Variants in PROM1 observed in about 807,000 individuals in gnomAD.
The protein encoded by PROM1 is prominin-1.
A neutral mutation model predicts 116.9 loss-of-function variants in PROM1; 105 were observed. The ratio of observed to expected loss-of-function variants is 0.90; its 90% CI spans 0.77 to 1.06. The LOEUF is 1.06. Ranked by LOEUF, PROM1 falls within the 50% of genes least tolerant of loss-of-function variation. The probability of loss-of-function intolerance (pLI) is 0.00; values close to 1 mark genes in which losing one functional copy is unlikely to be tolerated. For missense variants in PROM1, 1,122 were observed against 1,045.2 expected (o/e 1.07, Z -1.01); for synonymous variants, 393 against 387.0 (o/e 1.02, Z -0.18).
intron 2 of PROM1, among the ~76,000 whole-genome samples, chr4:16,047,893 T>C (rs1251767428): frequency 6.6e-6 from 1 of 152,170 alleles, no homozygotes; most frequent in African/African-American, 2.4e-5. Flanking sequence ...ACATAGTCTC[T>C]GAGGACAAGG....
At position 16,033,080 on chromosome 4, in the gene PROM1, C is replaced by T. The variant is rs1016788801; in HGVS notation, c.509+224G>A. Among the ~76,000 whole-genome samples, 5 of 150,432 alleles carry T rather than the reference C, an allele frequency of 3.3e-5. No individual in the cohort carries two copies. The South Asian group carries it at 1.1e-3, about 32-fold the overall frequency. On this transcript the variant is annotated intron_variant, in intron 5 of 27. Coordinates refer to ENST00000447510, the MANE Select transcript of PROM1 (RefSeq NM_006017.3). Reference sequence around the variant, plus strand: ...AAAAAATACCAAAGGGCTGGCTCATCAGCTCAGCTGGGGCAGCTTCATTAC... The same window carrying T: ...AAAAAATACCAAAGGGCTGGCTCATTAGCTCAGCTGGGGCAGCTTCATTAC...
intron 26 of PROM1, among the ~76,000 whole-genome samples, chr4:15,977,275 C>T (rs1716392885): frequency 6.6e-6 from 1 of 152,198 alleles, no homozygotes; most frequent in Non-Finnish European, 1.5e-5. Flanking sequence ...TCACAACCAA[C>T]AGGCAAACAC....
chr4:15,990,033 C>T (rs1258979657), intron 18 of PROM1, among the ~76,000 whole-genome samples: 1 of 152,164 alleles, frequency 6.6e-6, no homozygotes, highest in East Asian at 1.9e-4. Flanking sequence ...CAATAACCCA[C>T]ACCCAAGAGC....
chr4:16,052,113 C>T (rs1738017407), intron 2 of PROM1, among the ~76,000 whole-genome samples: 1 of 152,320 alleles, frequency 6.6e-6, no homozygotes, highest in East Asian at 1.9e-4. Flanking sequence ...TGGAAACCCA[C>T]AGCCAGTGTG....
intron 2 of PROM1, among the ~76,000 whole-genome samples, chr4:16,064,130 G>A (rs574815063): frequency 8.5e-5 from 13 of 152,190 alleles, no homozygotes; most frequent in East Asian, 3.9e-4. Flanking sequence ...ATATATGCCC[G>A]GCAGAAATGT....
intron 11 of PROM1, among the ~76,000 whole-genome samples, chr4:16,012,870 C>CA (rs71179681): frequency 0.29 from 24,396 of 83,862 alleles, 3,378 homozygotes; most frequent in Non-Finnish European, 0.33. Context: ...GACTCTGTCT[C>CA]AAAAAAAAAA....
At chr4:16,002,489 C>T (rs1724123874) in intron 13 of PROM1, among the ~76,000 whole-genome samples, 1 of 152,172 alleles carries the variant, frequency 6.6e-6, no homozygotes, top group Non-Finnish European at 1.5e-5. Flanking sequence ...TCGCAATCAC[C>T]ACAGCATCCC....
intron 2 of PROM1, among the ~76,000 whole-genome samples, chr4:16,060,679 T>C (rs926122906): frequency 2.0e-4 from 30 of 152,220 alleles, no homozygotes; most frequent in Non-Finnish European, 7.3e-5. Context: ...AACGAATGAA[T>C]GAATGGTGGC....
intron 2 of PROM1, among the ~76,000 whole-genome samples, chr4:16,054,292 C>G (rs546550130): frequency 6.6e-6 from 1 of 152,216 alleles, no homozygotes; most frequent in East Asian, 1.9e-4. Flanking sequence ...CCCTTTTACG[C>G]GGCCTCCATC....
Position 16,016,259 on chromosome 4 carries a change from A to C in PROM1, c.1003-19T>G. ...GTGGAAGCTGAAAATTTATAAAACA[A>C]AATATAAGACAAGGTTGTTACCTTC... On this transcript the variant is annotated intron_variant, in intron 9 of 27. Coordinates refer to ENST00000447510, the MANE Select transcript of PROM1 (RefSeq NM_006017.3). The C allele has an allele frequency of 6.5e-7, 1 of 1,538,704 alleles. No homozygotes were observed. Among genetic ancestry groups the C allele is most frequent in the East Asian group, 2.4e-5 (1 of 40,854 alleles).
chr4:15,989,311 G>A (rs887762617), intron 19 of PROM1, among the ~76,000 whole-genome samples: 4 of 152,256 alleles, frequency 2.6e-5, no homozygotes, highest in South Asian at 2.1e-4. Context: ...GAGGAGAGAC[G>A]AAGCAACGCC....
At position 15,979,464 on chromosome 4, in the gene PROM1, C is replaced by T. The variant is rs1335049305; in HGVS notation, c.2514-1G>A. The T allele has an allele frequency of 1.9e-6, 3 of 1,608,072 alleles. No homozygotes were observed. Among genetic ancestry groups the T allele is most frequent in the East Asian group, 2.2e-5 (1 of 44,728 alleles). On this transcript the variant is annotated splice_acceptor_variant, in intron 25 of 27. Transcript: ENST00000447510. LOFTEE classifies it high-confidence loss of function. ...ATAACCATTATTACCATTTTCCATA[C>T]TGTAACAGAAATAAATACACCAAAA...
intron 1 of PROM1, among the ~76,000 whole-genome samples, chr4:16,076,966 C>T (rs879487306): frequency 6.6e-6 from 1 of 152,244 alleles, no homozygotes; most frequent in African/African-American, 2.4e-5. Context: ...GCCGGAAGAC[C>T]GCAGGGACCT....
At chr4:16,012,312 C>A (rs1198253187) in intron 11 of PROM1, among the ~76,000 whole-genome samples, 2 of 152,076 alleles carry the variant, frequency 1.3e-5, no homozygotes, top group African/African-American at 4.8e-5. Context: ...ATTTCTTCTC[C>A]AAGCAAATAA....
In PROM1 at chr4:15,979,467, T is replaced by C. The variant is rs1236769724; in HGVS notation, c.2514-4A>G. 1.4e-5 allele frequency: 23 copies of C among 1,607,514 alleles called. No individual in the cohort carries two copies. In the South Asian group the frequency reaches 2.3e-4, roughly 16 times the overall value. ...ACCATTATTACCATTTTCCATACTG[T>C]AACAGAAATAAATACACCAAAAACA... is the stretch of plus-strand genomic sequence containing the variant. On this transcript the variant is annotated splice_region_variant and splice_polypyrimidine_tract_variant and intron_variant, in intron 25 of 27. Coordinates refer to ENST00000447510, the MANE Select transcript of PROM1 (RefSeq NM_006017.3).
At chr4:16,004,830 T>C (rs56140204) in intron 13 of PROM1, among the ~76,000 whole-genome samples, 15,849 of 117,714 alleles carry the variant, frequency 0.13, 1,096 homozygotes, top group Non-Finnish European at 0.18. Flanking sequence ...TTTCTTTCTT[T>C]TTCTTCCTTC....
At chr4:16,071,113 T>C (rs1245639073) in intron 2 of PROM1, among the ~76,000 whole-genome samples, 1 of 152,176 alleles carries the variant, frequency 6.6e-6, no homozygotes, top group Admixed American at 6.5e-5. Flanking sequence ...TTTTGTTTCA[T>C]TTTGAATTCA....
At chr4:15,995,329 GACGAAGA>G (rs1216954687) in intron 15 of PROM1, among the ~76,000 whole-genome samples, 1 of 86,114 alleles carries the variant, frequency 1.2e-5, no homozygotes, top group Non-Finnish European at 2.8e-5. Context: ...AGAAGAAGAA[GACGAAGA>G]AGACGAAGAA....
At position 16,003,450 on chromosome 4, in the gene PROM1, C is replaced by T. The variant is rs1434672472; in HGVS notation, c.1455-2831G>A. On this transcript the variant is annotated intron_variant, in intron 13 of 27. Coordinates refer to ENST00000447510, the MANE Select transcript of PROM1 (RefSeq NM_006017.3). ...AAACTGCTTTCCATAACCTCAGAAA[C>T]TGCCACCAGCCATAGGAATGTGCCC... 4 of 455,940 alleles carry T rather than the reference C, an allele frequency of 8.8e-6. No homozygotes were observed. The East Asian group carries it at 2.8e-4, about 32-fold the overall frequency. The allele number at this position is 455,940 out of a possible 1,614,324, so 28.2% of individuals were successfully genotyped here.
Sources: allele counts gnomAD v4.1 joint callset (sites outside exome capture counted in the v4.1 genomes callset), GRCh38; gene constraint gnomAD v4.1.1; transcripts MANE v1.5; gene names NCBI Gene and HGNC (gene_info 2026-07-23, HGNC 2026-07-21).